The following RPL31 variants were observed in gnomAD, a reference collection of about 807,000 sequenced individuals.
RPL31 encodes the protein ribosomal protein L31.
For missense variants in RPL31, 95 were observed against 164.0 expected (o/e 0.58, Z 2.30); for synonymous variants, 51 against 55.0 (o/e 0.93, Z 0.32).
intron 4 of RPL31, among the ~76,000 whole-genome samples, chr2:101,013,418 A>G (rs1319891679): frequency 3.9e-5 from 6 of 152,208 alleles, no homozygotes; most frequent in Admixed American, 3.9e-4. Flanking sequence ...ATTCCTATAT[A>G]TATGTAGCCT....
At position 101,002,708 on chromosome 2, in the gene RPL31, C is replaced by T. The variant is rs1217541162; in HGVS notation, c.7C>T (p.Pro3Ser). 1.9e-6 allele frequency: 3 copies of T among 1,613,782 alleles called. No homozygotes were observed. Among genetic ancestry groups the T allele is most frequent in the Middle Eastern group, 3.3e-4 (2 of 6,032 alleles). ...CCTTGTCGCCTGCATTTAGATGGCT[C>T]CCGCAAAGAAGGGTGGCGAGAAGAA... MA[P>S]AKKGGEKKKG... Residue 3 changes from proline (P) to serine (S), a missense_variant, in exon 2 of 5, where the codon CCC becomes TCC. Physicochemically the swap from Pro to Ser is moderately conservative, Grantham distance 74 (BLOSUM62 -1). Coordinates refer to ENST00000264258, the MANE Select transcript of RPL31 (RefSeq NM_000993.5).
exon 5 of RPL31, chr2:101,019,163 G>T: frequency 7.5e-7 from 1 of 1,341,086 alleles, no homozygotes. Context: ...CCCTGGCAGA[G>T]GGCCAGGCCT....
downstream of RPL31, chr2:101,011,491 CAG>C (rs778496824): frequency 2.7e-5 from 43 of 1,613,750 alleles, no homozygotes; most frequent in Non-Finnish European, 3.4e-5. Flanking sequence ...ATGTTGACAA[CAG>C]AGGATTCCTC....
At chr2:101,005,900 A>T in intron 3 of RPL31, 59 bp from the exon 4 acceptor site, 1 of 1,397,598 alleles carries the variant, frequency 7.2e-7, no homozygotes, top group Non-Finnish European at 1.0e-6. Context: ...GAATACAGCT[A>T]GTGGCTGCTT....
downstream of RPL31, chr2:101,011,113 G>A: frequency 1.6e-6 from 2 of 1,288,858 alleles, no homozygotes; most frequent in Non-Finnish European, 1.1e-6. Context: ...GAGGAGCAAG[G>A]GGGTGAGGAA....
chr2:101,002,401 C>T, intron 1 of RPL31, 86 bp downstream of exon 1: 1 of 405,130 alleles, frequency 2.5e-6, no homozygotes, highest in East Asian at 5.0e-5. Context: ...CAAAATCTCT[C>T]CCGAGCCAGC....
intron 4 of RPL31, chr2:101,018,292 G>C (rs1055341680): frequency 1.1e-5 from 2 of 178,972 alleles, no homozygotes; most frequent in African/African-American, 4.7e-5. Context: ...ATCAGTATGT[G>C]TTAATATAAT....
At chr2:101,018,506 C>T (rs1366233435) in intron 4 of RPL31, among the ~76,000 whole-genome samples, 1 of 152,212 alleles carries the variant, frequency 6.6e-6, no homozygotes, top group East Asian at 1.9e-4. Flanking sequence ...CAGAAGGAAA[C>T]TTCTATTCCT....
intron 3 of RPL31, chr2:101,004,636 T>G: frequency 3.6e-6 from 1 of 277,716 alleles, no homozygotes; most frequent in Non-Finnish European, 6.5e-6. Flanking sequence ...CTAGACATCA[T>G]GGCAAGTCCA....
chr2:101,005,909 T>G (rs1212317968), intron 3 of RPL31, 50 bp from the exon 4 acceptor site: 1 of 1,494,260 alleles, frequency 6.7e-7, no homozygotes, highest in South Asian at 1.1e-5. Context: ...TAGTGGCTGC[T>G]TGGTTGAAAG....
In RPL31 at chr2:101,004,138, C is replaced by T. The variant is rs373418224; in HGVS notation, c.108-20C>T. ...TAGTTTTGTGCTCCTTTAATTTGTT[C>T]ACTTATGTTTGAATCGTAGGGGCTT... On this transcript the variant is annotated intron_variant, in intron 2 of 4. Transcript: ENST00000264258. The T allele has an allele frequency of 3.1e-6, 5 of 1,609,274 alleles. No individual in the cohort carries two copies. In the Admixed American group the frequency reaches 6.8e-5, roughly 22 times the overall value.
chr2:101,006,280 CA>C (rs1354164435), intron 4 of RPL31, 69 bp from the exon 5 acceptor site: 9 of 1,579,742 alleles, frequency 5.7e-6, no homozygotes, highest in Non-Finnish European at 7.7e-6. Context: ...GACCCGTCTA[CA>C]AAAGGTTTTT....
At chr2:101,008,415 C>T, downstream of RPL31, 1 of 690,972 alleles carries the variant, frequency 1.4e-6, no homozygotes, top group Non-Finnish European at 2.3e-6. Flanking sequence ...CTCTGCCTTT[C>T]CACTCTAAAC....
chr2:101,016,794 AATC>A (rs1264051013), intron 4 of RPL31, among the ~76,000 whole-genome samples: 9 of 152,174 alleles, frequency 5.9e-5, no homozygotes, highest in Non-Finnish European at 1.3e-4. Context: ...TGAAATTGGA[AATC>A]ATCATTCTCA....
exon 5 of RPL31, chr2:101,019,070 G>A: frequency 6.2e-7 from 1 of 1,600,650 alleles, no homozygotes; most frequent in Non-Finnish European, 8.5e-7. Context: ...ATGAGGCCTT[G>A]GGTCTCGGCT....
In RPL31 at chr2:101,017,155, G is replaced by A. The variant is rs372025527; in HGVS notation, c.347-1843G>A. Among the ~76,000 whole-genome samples the A allele has an allele frequency of 1.5e-4, 23 of 151,424 alleles. No individual in the cohort carries two copies. The East Asian group carries it at 1.9e-3, about 13-fold the overall frequency. ...GATCGTCAATATCAGTGTCTTCCAC[G>A]TCCACATCTTGTCCCAACTGAAGGT... On this transcript the variant is annotated intron_variant, in intron 4 of 4. Transcript: ENST00000409028.
At position 101,006,480 on chromosome 2, in the gene RPL31, G is replaced by A; in HGVS notation, c.*99G>A. On this transcript the variant is annotated 3_prime_UTR_variant, in exon 5 of 5. Transcript: ENST00000264258. ...TACTTGTATACCCTATCCTAATTAT[G>A]GGATCATTTGAAGAGCTTTTCCCAA... is the stretch of plus-strand genomic sequence containing the variant. 1 of 1,161,586 alleles carries A rather than the reference G, an allele frequency of 8.6e-7. No homozygotes were observed. The highest frequency in any genetic ancestry group is 1.2e-6 in the Non-Finnish European group (1 of 832,438). The allele number at this position is 1,161,586 out of a possible 1,614,324, so 72.0% of individuals were successfully genotyped here. A position where few individuals can be genotyped will look rare whatever the true frequency, so the allele number is the denominator to read the frequency against.
intron 3 of RPL31, chr2:101,004,542 G>A: frequency 2.2e-6 from 1 of 460,066 alleles, no homozygotes; most frequent in Non-Finnish European, 3.8e-6. Context: ...AAGCTTGGCA[G>A]GATCTGGGAG....
chr2:101,017,870 G>T, intron 4 of RPL31: 1 of 1,550,824 alleles, frequency 6.4e-7, no homozygotes, highest in Non-Finnish European at 8.7e-7. Context: ...TCTTCAAAAC[G>T]ATGATCTCTT....
Sources: allele counts gnomAD v4.1 joint callset (sites outside exome capture counted in the v4.1 genomes callset), GRCh38; gene constraint gnomAD v4.1.1; transcripts MANE v1.5; gene names NCBI Gene and HGNC (gene_info 2026-07-23, HGNC 2026-07-21).